Variants in TIAM1 observed in about 807,000 individuals in gnomAD.
The protein encoded by TIAM1 is rho guanine nucleotide exchange factor TIAM1.
Under a neutral mutation model 163.5 loss-of-function variants are expected in TIAM1, and 65 were observed. The ratio of observed to expected loss-of-function variants is 0.40; its 90% CI spans 0.33 to 0.49. The LOEUF (loss-of-function observed/expected upper bound fraction) is 0.49, where lower values mean the gene tolerates loss of function less well. Among genes scored for constraint, TIAM1 ranks in the 20% least tolerant of loss-of-function variants. The pLI, the probability that TIAM1 is intolerant of heterozygous loss-of-function variation, is 0.77. For synonymous variants in TIAM1, 833 were observed against 810.1 expected (o/e 1.03, Z -0.48); for missense variants, 1,789 against 2,044.7 (o/e 0.87, Z 2.41).
upstream of TIAM1, among the ~76,000 whole-genome samples, chr21:31,346,099 C>G (rs1039447430): frequency 4.0e-5 from 6 of 151,884 alleles, no homozygotes; most frequent in East Asian, 1.9e-4. Flanking sequence ...CTACTGATAT[C>G]TAGTAGGTAG....
intron 2 of TIAM1, among the ~76,000 whole-genome samples, chr21:31,402,899 C>T (rs891126533): frequency 6.6e-5 from 10 of 152,056 alleles, no homozygotes; most frequent in Non-Finnish European, 1.5e-4. Context: ...TTGCAGTAAG[C>T]CAAGATCATG....
chr21:31,423,362 C>T lies in TIAM1; in HGVS notation c.-369+40621G>A, dbSNP rs566950618. 3.2e-4 allele frequency among the ~76,000 whole-genome samples: 48 copies of T among 152,028 alleles called. 2 individuals carry two copies. The South Asian group carries it at 7.9e-3, about 25-fold the overall frequency. ...ATCCCCTCGCCTCGGCCTCCCAAAG[C>T]GCTGGGATTACAGGCGTGAGCCACC... On this transcript the variant is annotated intron_variant, in intron 2 of 28. Coordinates refer to the TIAM1 transcript ENST00000286827.
intron 4 of TIAM1, among the ~76,000 whole-genome samples, chr21:31,257,935 C>A (rs1375213559): frequency 6.6e-6 from 1 of 150,862 alleles, no homozygotes; most frequent in Non-Finnish European, 1.5e-5. Flanking sequence ...GCTCCTCCTC[C>A]TTGCTCGAAT....
Position 31,396,906 on chromosome 21 carries a change from G to A in TIAM1, c.-368-57484C>T, listed in dbSNP as rs143946513. On this transcript the variant is annotated intron_variant, in intron 2 of 28. Coordinates refer to the TIAM1 transcript ENST00000286827. ...GGAGGTTGCAGTGAACCGAGATCGC[G>A]CCACTGCACTCCAGCCTGGGCGACA... Among the ~76,000 whole-genome samples the A allele has an allele frequency of 7.1e-3, 1,074 of 152,070 alleles. 21 individuals carry two copies. The highest frequency in any genetic ancestry group is 0.024 in the African/African-American group (990 of 41,480).
In TIAM1 at chr21:31,266,243, T is replaced by C; in HGVS notation, c.730A>G (p.Thr244Ala). ...DLYAQKNSGV[T>A]ANGGPGSKFA... Reference sequence around the variant, plus strand: ...TTGCTCCCCGGCCCCCCGTTTGCTGTCACTCCAGAGTTTTTCTGAGCATAC... The same window carrying C: ...TTGCTCCCCGGCCCCCCGTTTGCTGCCACTCCAGAGTTTTTCTGAGCATAC... The change falls in exon 4 of 28, where the codon ACA (threonine) becomes GCA (alanine). Residue 244 changes from threonine (T) to alanine (A), a missense_variant. By Grantham distance (58) the Thr-to-Ala change is moderately conservative. Transcript: ENST00000541036. 2 of 1,614,182 alleles carry C rather than the reference T, an allele frequency of 1.2e-6. No homozygotes were observed.
Position 31,435,916 on chromosome 21 carries a change from C to A in TIAM1, c.-369+28067G>T, listed in dbSNP as rs551118760. Among the ~76,000 whole-genome samples the A allele has an allele frequency of 2.0e-5, 3 of 152,328 alleles. No homozygotes were observed. In the South Asian group the frequency reaches 6.2e-4, roughly 32 times the overall value. On this transcript the variant is annotated intron_variant, in intron 2 of 28. Transcript: ENST00000286827. ...TGCATCAGGGCAGCAAGAAGGCCCT[C>A]ACCAGATGCAGCCCCTTGATCTTGG...
intron 12 of TIAM1, among the ~76,000 whole-genome samples, chr21:31,200,108 T>C (rs184130194): frequency 1.3e-5 from 2 of 152,260 alleles, no homozygotes; most frequent in Non-Finnish European, 2.9e-5. Flanking sequence ...AGAAGCAGAA[T>C]TGTTTTGGTG....
intron 13 of TIAM1, among the ~76,000 whole-genome samples, chr21:31,190,252 T>G (rs2085490351): frequency 6.6e-6 from 1 of 151,994 alleles, no homozygotes; most frequent in Non-Finnish European, 1.5e-5. Flanking sequence ...CAAAATTTTT[T>G]TTAAAAAATT....
chr21:31,437,775 G>C (rs1396313743), intron 2 of TIAM1, among the ~76,000 whole-genome samples: 1 of 152,100 alleles, frequency 6.6e-6, no homozygotes, highest in Non-Finnish European at 1.5e-5. Flanking sequence ...CTTCTGCCAT[G>C]AAAGTAAGTT....
intron 23 of TIAM1, among the ~76,000 whole-genome samples, chr21:31,135,036 C>A (rs1196234981): frequency 6.6e-6 from 1 of 152,004 alleles, no homozygotes; most frequent in Non-Finnish European, 1.5e-5. Context: ...GAGAAAGCAA[C>A]CTCCGTTCCC....
At chr21:31,265,002 A>C (rs753827322) in intron 4 of TIAM1, among the ~76,000 whole-genome samples, 2 of 151,822 alleles carry the variant, frequency 1.3e-5, no homozygotes, top group African/African-American at 2.4e-5. Context: ...ATTACTCCAC[A>C]TTTCTTTCTT....
At chr21:31,509,594 G>C (rs183546120) in intron 1 of TIAM1, among the ~76,000 whole-genome samples, 1 of 152,122 alleles carries the variant, frequency 6.6e-6, no homozygotes, top group African/African-American at 2.4e-5. Context: ...TCTCCTTCCC[G>C]AGGCACGCCT....
intron 2 of TIAM1, among the ~76,000 whole-genome samples, chr21:31,430,913 T>C (rs1339726376): frequency 6.6e-6 from 1 of 152,238 alleles, no homozygotes; most frequent in African/African-American, 2.4e-5. Context: ...TTTGGTTGTT[T>C]TCCAGAAGAA....
At chr21:31,371,839 G>T (rs955845208) in intron 2 of TIAM1, among the ~76,000 whole-genome samples, 1 of 152,150 alleles carries the variant, frequency 6.6e-6, no homozygotes, top group Non-Finnish European at 1.5e-5. Flanking sequence ...CTTCATAACG[G>T]CTCTCAGACT....
At chr21:31,406,180 TAA>T (rs78738144) in intron 2 of TIAM1, among the ~76,000 whole-genome samples, 6 of 138,472 alleles carry the variant, frequency 4.3e-5, no homozygotes, top group Non-Finnish European at 1.6e-5. Flanking sequence ...AATGTTATCT[TAA>T]AAAAAAAAAA....
At chr21:31,295,884 G>A (rs1371801519) in intron 2 of TIAM1, among the ~76,000 whole-genome samples, 1 of 152,092 alleles carries the variant, frequency 6.6e-6, no homozygotes, top group African/African-American at 2.4e-5. Context: ...TGCAAGCTCC[G>A]CCTCCCGAGT....
In TIAM1 at chr21:31,398,605, A is replaced by G. The variant is rs114547260; in HGVS notation, c.-368-59183T>C. ...TTCCAACTGTAGGCAGAAGTTTGCC[A>G]TCCTCATAGCACAGTACACAGTTCC... On this transcript the variant is annotated intron_variant, in intron 2 of 28. Coordinates refer to the TIAM1 transcript ENST00000286827. 8.7e-3 allele frequency among the ~76,000 whole-genome samples: 1,324 copies of G among 152,390 alleles called. 4 individuals carry two copies. Among genetic ancestry groups the G allele is most frequent in the African/African-American group, 0.018 (741 of 41,596 alleles).
intron 6 of TIAM1, among the ~76,000 whole-genome samples, chr21:31,243,483 T>A (rs540036454): frequency 1.3e-5 from 2 of 151,890 alleles, no homozygotes; most frequent in African/African-American, 4.8e-5. Context: ...AGGAAGACTA[T>A]TTGAAGAAAT....
chr21:31,543,399 C>T (rs1163150312), intron 1 of TIAM1, among the ~76,000 whole-genome samples: 6 of 152,242 alleles, frequency 3.9e-5, no homozygotes, highest in Non-Finnish European at 8.8e-5. Context: ...GGCCAAGCTC[C>T]TCCACAGCAG....
Sources: gnomAD v4.1 joint callset for allele counts (sites outside exome capture counted in the v4.1 genomes callset) on GRCh38, gnomAD v4.1.1 for gene constraint, MANE v1.5 for transcripts, NCBI Gene and HGNC (gene_info 2026-07-23, HGNC 2026-07-21) for gene names.